The following EARS2 variants were observed in gnomAD, a reference collection of about 807,000 sequenced individuals.
EARS2 encodes the protein glutamyl-tRNA synthetase 2, mitochondrial, also known as nondiscriminating glutamyl-tRNA synthetase EARS2, mitochondrial.
EARS2 carries 50 observed loss-of-function variants against 54.1 expected under a neutral mutation model. The ratio of observed to expected loss-of-function variants is 0.92; its 90% confidence interval spans 0.74 to 1.17. The LOEUF (loss-of-function observed/expected upper bound fraction) is 1.17, where lower values mean the gene tolerates loss of function less well. Among genes scored for constraint, EARS2 ranks in the 50% most tolerant of loss-of-function variants. The probability of loss-of-function intolerance (pLI) is 0.00; values close to 1 mark genes in which losing one functional copy is unlikely to be tolerated. For synonymous variants in EARS2, 298 were observed against 281.0 expected (o/e 1.06, Z -0.61); for missense variants, 673 against 675.0 (o/e 1.00, Z 0.03).
rs1374453971 is a variant in EARS2, at chr16:23,521,370, T to C, written c.*3001A>G. 2.0e-5 allele frequency among the ~76,000 whole-genome samples: 3 copies of C among 152,146 alleles called. No individual in the cohort carries two copies. Among genetic ancestry groups the C allele is most frequent in the Non-Finnish European group, 4.4e-5 (3 of 68,036 alleles). Reference sequence around the variant, plus strand: ...TAAGTAATTCAAATAAGTAGAATCTTACAGTATCTATCCTTTTAACTTTAT... The same window carrying C: ...TAAGTAATTCAAATAAGTAGAATCTCACAGTATCTATCCTTTTAACTTTAT... On this transcript the variant is annotated 3_prime_UTR_variant, in exon 9 of 9. Transcript: ENST00000449606.
In EARS2 at chr16:23,529,589, G is replaced by C; in HGVS notation, c.1265C>G (p.Ser422Cys). 1.2e-6 allele frequency: 2 copies of C among 1,614,194 alleles called. No homozygotes were observed. Among genetic ancestry groups the C allele is most frequent in the Non-Finnish European group, 1.7e-6 (2 of 1,180,030 alleles). ...TACTGCAGGGCGAGTCCACAGGTAA[G>C]AGTATACTGGGGACACCAAGTCCTG... ...RLQDLVSPVYSYLWTRPAVGR... is the reference protein window; with the variant it reads ...RLQDLVSPVYCYLWTRPAVGR... The change falls in exon 7 of 9, where the codon TCT becomes TGT. Residue 422 changes from serine (S) to cysteine (C), a missense_variant. Ser to Cys is a moderately radical substitution (Grantham distance 112). Transcript: ENST00000449606.
At chr16:23,553,167 AAAGACT>A (rs1965724131) in intron 1 of EARS2, 1 of 192,942 alleles carries the variant, frequency 5.2e-6, no homozygotes. Flanking sequence ...ATTTTTTTTC[AAAGACT>A]AAGAACTAGT....
chr16:23,538,677 C>T (rs1185592519), intron 3 of EARS2, among the ~76,000 whole-genome samples: 2 of 151,914 alleles, frequency 1.3e-5, no homozygotes, highest in Non-Finnish European at 2.9e-5. Context: ...GGTAACGAGA[C>T]CTTGTCTCTA....
intron 5 of EARS2, 104 bp from the exon 6 acceptor site, chr16:23,530,001 C>T: frequency 7.2e-7 from 1 of 1,392,438 alleles, no homozygotes; most frequent in African/African-American, 1.4e-5. Flanking sequence ...CATATCAGGT[C>T]CCATGAGCCC....
At chr16:23,530,393 G>T (rs1217519448) in intron 5 of EARS2, among the ~76,000 whole-genome samples, 2 of 152,138 alleles carry the variant, frequency 1.3e-5, no homozygotes, top group African/African-American at 2.4e-5. Flanking sequence ...AGGATTACAG[G>T]TGTGGGCCAC....
intron 5 of EARS2, among the ~76,000 whole-genome samples, chr16:23,530,487 T>C (rs989243957): frequency 1.8e-4 from 27 of 152,286 alleles, no homozygotes; most frequent in Admixed American, 1.2e-3. Context: ...GGAGCCTCAC[T>C]GTGTCACCCA....
intron 3 of EARS2, among the ~76,000 whole-genome samples, chr16:23,541,019 T>TA (rs902677064): frequency 6.8e-6 from 1 of 147,078 alleles, no homozygotes; most frequent in African/African-American, 2.5e-5. Flanking sequence ...ATAAATAACA[T>TA]AAAGGTTTAT....
Position 23,522,254 on chromosome 16 carries a change from A to C in EARS2, c.*2117T>G. 5.9e-6 allele frequency: 1 copy of C among 169,474 alleles called. No homozygotes were observed. Among genetic ancestry groups the C allele is most frequent in the Admixed American group, 5.7e-5 (1 of 17,502 alleles). 10.5% of individuals were successfully genotyped at this position (169,474 alleles called of 1,614,324 possible). A position where few individuals can be genotyped will look rare whatever the true frequency, so the allele number is the denominator to read the frequency against. The stretch of plus-strand genomic sequence containing the variant: ...GCATATAATCCCTGTGAAACTACCT[A>C]TTACTGGCCAAGGAATGGTAGCAGG... On this transcript the variant is annotated 3_prime_UTR_variant, in exon 9 of 9. Coordinates refer to ENST00000449606, the MANE Select transcript of EARS2 (RefSeq NM_001083614.2).
At chr16:23,530,548 G>T (rs1255860877) in intron 5 of EARS2, among the ~76,000 whole-genome samples, 2 of 151,988 alleles carry the variant, frequency 1.3e-5, no homozygotes, top group East Asian at 3.9e-4. Flanking sequence ...CCGCTTCCCA[G>T]GTCACCTGCC....
chr16:23,543,928 T>C (rs984903440), intron 3 of EARS2, among the ~76,000 whole-genome samples: 1 of 152,202 alleles, frequency 6.6e-6, no homozygotes, highest in African/African-American at 2.4e-5. Context: ...AAGGCGTACA[T>C]GAAACATAAA....
chr16:23,550,253 G>C (rs1407035928), intron 2 of EARS2, among the ~76,000 whole-genome samples: 1 of 151,840 alleles, frequency 6.6e-6, no homozygotes, highest in East Asian at 1.9e-4. Context: ...TATGGTGCCA[G>C]CTACCCAGGA....
In EARS2 at chr16:23,528,054, C is replaced by G. The variant is rs962607266; in HGVS notation, c.1352+1448G>C. Among the ~76,000 whole-genome samples the G allele has an allele frequency of 3.3e-5, 5 of 152,128 alleles. 1 individual carries two copies. The highest frequency in any genetic ancestry group is 1.2e-4 in the African/African-American group (5 of 41,416). ...CCCCAGAGAGTCCCTCGTCCCTCCA[C>G]CACGTGAGGATGCAGCGAAGGGCTG... On this transcript the variant is annotated intron_variant, in intron 7 of 8. Transcript: ENST00000449606.
chr16:23,533,794 G>A (rs922217517), intron 4 of EARS2, among the ~76,000 whole-genome samples: 4 of 152,240 alleles, frequency 2.6e-5, no homozygotes, highest in Admixed American at 1.3e-4. Context: ...GGTGGCTCAC[G>A]CCTGTAATCC....
chr16:23,525,451 A>G (rs780769382), intron 7 of EARS2, 72 bp from the exon 8 acceptor site: 18 of 1,505,750 alleles, frequency 1.2e-5, no homozygotes, highest in Admixed American at 5.9e-5. Context: ...GGGCTTCAGA[A>G]GGTTATTGAT....
At chr16:23,548,914 A>T (rs1382843373) in intron 2 of EARS2, among the ~76,000 whole-genome samples, 3 of 151,896 alleles carry the variant, frequency 2.0e-5, no homozygotes, top group Non-Finnish European at 2.9e-5. Context: ...AAAATGATAG[A>T]CTCAGCCTCA....
rs1336706933 is a variant in EARS2 at position 23,557,280 on chromosome 16, C to T, written c.64G>A (p.Val22Ile). Residue 22 changes from valine (V) to isoleucine (I), a missense_variant, in exon 1 of 9, where the codon GTA becomes ATA. Physicochemically the swap from Val to Ile is conservative, Grantham distance 29. Around this residue, in one of 3 missense-constraint regions of EARS2, gnomAD observed 316 missense variants for 275.2 expected, o/e 1.15. Coordinates refer to ENST00000449606, the MANE Select transcript of EARS2 (RefSeq NM_001083614.2). The stretch of plus-strand genomic sequence containing the variant: ...CCCAGGTTGGCCTCGCGCCGTCCTA[C>T]GGGGCGGCCAGAGGCCGCCGAAGGC... ...ERPSAASGRP[V>I]GRREANLGTD... 6 of 1,517,610 alleles carry T rather than the reference C, an allele frequency of 4.0e-6. No individual in the cohort carries two copies. Among genetic ancestry groups the T allele is most frequent in the Admixed American group, 2.3e-5 (1 of 42,614 alleles). The allele number at this position is 1,517,610 out of a possible 1,614,324, so 94.0% of individuals were successfully genotyped here.
At chr16:23,556,835 A>G (rs926127061) in intron 1 of EARS2, 7 of 495,572 alleles carry the variant, frequency 1.4e-5, no homozygotes, top group South Asian at 7.9e-5. Flanking sequence ...CTTATTTTTT[A>G]TAAGTGTCTG....
chr16:23,536,908 C>G (rs1050363642), intron 3 of EARS2, among the ~76,000 whole-genome samples: 12 of 151,854 alleles, frequency 7.9e-5, no homozygotes, highest in African/African-American at 2.7e-4. Flanking sequence ...GTCTCGAACT[C>G]CTGATCTCGT....
intron 1 of EARS2, among the ~76,000 whole-genome samples, chr16:23,554,744 C>T (rs1005786666): frequency 5.3e-5 from 8 of 152,234 alleles, no homozygotes; most frequent in Non-Finnish European, 1.2e-4. Context: ...ACATCAAGTA[C>T]ACCTGGATTC....
Sources: gnomAD v4.1 joint callset for allele counts (sites outside exome capture counted in the v4.1 genomes callset) on GRCh38, gnomAD v4.1.1 for gene constraint, gnomAD v4.1.1 regional missense constraint, MANE v1.5 for transcripts, NCBI Gene and HGNC (gene_info 2026-07-23, HGNC 2026-07-21) for gene names.